The following CNTLN variants were observed in gnomAD, a reference collection of about 807,000 sequenced individuals.
CNTLN encodes centlein, also known as centlein, centrosomal protein.
A neutral mutation model predicts 180.0 loss-of-function variants in CNTLN; 212 were observed. The observed-to-expected ratio is 1.18, with a 90% CI of 1.05 to 1.32. The LOEUF is 1.32. Ranked by LOEUF, CNTLN falls within the 40% of genes most tolerant of loss-of-function variation. The pLI is 0.00. For missense variants in CNTLN, 2,095 were observed against 1,610.9 expected (o/e 1.30, Z -5.14); for synonymous variants, 722 against 563.1 (o/e 1.28, Z -3.99).
At chr9:17,443,765 A>G (rs144338877) in intron 18 of CNTLN, among the ~76,000 whole-genome samples, 43 of 152,292 alleles carry the variant, frequency 2.8e-4, no homozygotes, top group African/African-American at 8.9e-4. Flanking sequence ...AGAATGCTGG[A>G]GGTGGAACAA....
In CNTLN at chr9:17,345,013, C is replaced by T. The variant is rs991453975; in HGVS notation, c.1886+2569C>T. 3.0e-4 allele frequency among the ~76,000 whole-genome samples: 46 copies of T among 152,188 alleles called. No homozygotes were observed. In the East Asian group the frequency reaches 4.8e-3, roughly 16 times the overall value. Reference sequence around the variant, plus strand: ...TTACTTTCTGAGACTGGCTTCTTTCCGCATAATGTCTTTGAGATTCTTTTG... The same window carrying T: ...TTACTTTCTGAGACTGGCTTCTTTCTGCATAATGTCTTTGAGATTCTTTTG... On this transcript the variant is annotated intron_variant, in intron 12 of 25. Coordinates refer to ENST00000380647, the MANE Select transcript of CNTLN (RefSeq NM_017738.4).
chr9:17,295,711 A>G (rs1279388324), intron 6 of CNTLN, among the ~76,000 whole-genome samples: 1 of 152,016 alleles, frequency 6.6e-6, no homozygotes, highest in African/African-American at 2.4e-5. Context: ...GCTGGTTCAG[A>G]TGTGTGAGTT....
chr9:17,296,632 A>G (rs601960), intron 6 of CNTLN, among the ~76,000 whole-genome samples: 25,113 of 151,954 alleles, frequency 0.17, 2,254 homozygotes, highest in South Asian at 0.28. Context: ...AATGGCAGTA[A>G]TCATCATGCA....
chr9:17,350,113 A>G (rs1313606884), intron 12 of CNTLN, among the ~76,000 whole-genome samples: 2 of 152,374 alleles, frequency 1.3e-5, no homozygotes, highest in East Asian at 3.9e-4. Flanking sequence ...TGAAAGTATT[A>G]GTAAAAAAAG....
chr9:17,305,285 C>G (rs1011721307), intron 7 of CNTLN, among the ~76,000 whole-genome samples: 7 of 152,016 alleles, frequency 4.6e-5, no homozygotes, highest in Non-Finnish European at 1.0e-4. Flanking sequence ...ATTGATACTT[C>G]TAAAGCATAT....
intron 2 of CNTLN, among the ~76,000 whole-genome samples, chr9:17,210,587 G>A (rs1371095921): frequency 6.6e-6 from 1 of 152,156 alleles, no homozygotes; most frequent in Non-Finnish European, 1.5e-5. Flanking sequence ...CCAGTAATGG[G>A]ATGAGTCAAA....
At chr9:17,451,160 A>G (rs543169105) in intron 18 of CNTLN, among the ~76,000 whole-genome samples, 22 of 152,228 alleles carry the variant, frequency 1.4e-4, no homozygotes, top group African/African-American at 5.3e-4. Context: ...GATTCTATTC[A>G]CAGGAGGGAG....
At chr9:17,301,273 G>C (rs1404886228) in intron 7 of CNTLN, 1 of 985,232 alleles carries the variant, frequency 1.0e-6, no homozygotes, top group African/African-American at 1.7e-5. Flanking sequence ...CCTAAATTGT[G>C]ATCTGGGGTA....
intron 25 of CNTLN, among the ~76,000 whole-genome samples, chr9:17,497,156 A>C (rs1003536730): frequency 2.6e-5 from 4 of 152,176 alleles, no homozygotes; most frequent in Admixed American, 6.6e-5. Context: ...GCACAGCAGT[A>C]GTCTCTGATC....
At chr9:17,473,985 C>T (rs1832184654) in intron 23 of CNTLN, among the ~76,000 whole-genome samples, 1 of 152,166 alleles carries the variant, frequency 6.6e-6, no homozygotes, top group Admixed American at 6.5e-5. Flanking sequence ...AGCCGGTCTT[C>T]TCTGACTTCT....
At chr9:17,393,875 C>T (rs1416637484) in intron 14 of CNTLN, among the ~76,000 whole-genome samples, 1 of 152,060 alleles carries the variant, frequency 6.6e-6, no homozygotes, top group African/African-American at 2.4e-5. Flanking sequence ...TTTTGAAATT[C>T]CTTAAGATTA....
At chr9:17,256,553 T>C (rs1419116785) in intron 5 of CNTLN, among the ~76,000 whole-genome samples, 1 of 148,638 alleles carries the variant, frequency 6.7e-6, no homozygotes, top group Non-Finnish European at 1.5e-5. Context: ...GCTGTTTGTA[T>C]GTCTTCTCTT....
chr9:17,195,405 C>T (rs369902948), intron 2 of CNTLN, among the ~76,000 whole-genome samples: 497 of 152,168 alleles, frequency 3.3e-3, no homozygotes, highest in African/African-American at 0.011. Context: ...TCCTTTGCTT[C>T]TTGATGAAGA....
At chr9:17,451,623 C>T (rs1159933263) in intron 18 of CNTLN, among the ~76,000 whole-genome samples, 1 of 152,114 alleles carries the variant, frequency 6.6e-6, no homozygotes, top group Admixed American at 6.5e-5. Context: ...TGGCCTTTTT[C>T]AATATTGAGC....
intron 12 of CNTLN, among the ~76,000 whole-genome samples, chr9:17,350,128 T>C (rs1822239790): frequency 6.6e-6 from 1 of 152,226 alleles, no homozygotes; most frequent in Non-Finnish European, 1.5e-5. Context: ...AAAAAGTTTG[T>C]GTACATTCTT....
chr9:17,256,382 A>G (rs1826489429), intron 5 of CNTLN, among the ~76,000 whole-genome samples: 1 of 151,964 alleles, frequency 6.6e-6, no homozygotes. Flanking sequence ...CCTACCAACA[A>G]TGTATAAACA....
At chr9:17,426,847 A>G (rs968407980) in intron 18 of CNTLN, among the ~76,000 whole-genome samples, 1 of 152,070 alleles carries the variant, frequency 6.6e-6, no homozygotes, top group South Asian at 2.1e-4. Flanking sequence ...TTTGGGGAGC[A>G]TTCATCCAGA....
chr9:17,290,081 C>G (rs1388331947), intron 6 of CNTLN, among the ~76,000 whole-genome samples: 1 of 152,160 alleles, frequency 6.6e-6, no homozygotes, highest in Non-Finnish European at 1.5e-5. Flanking sequence ...GGAGGAGAGG[C>G]GCTCTGCATT....
In CNTLN at chr9:17,336,332, C is replaced by T. The variant is rs187694883; in HGVS notation, c.1644+3602C>T. ...ACTTTTGATGGATGACTTCAGCTGG[C>T]ATGTATTCTGGCGCCATTAAAATGA... On this transcript the variant is annotated intron_variant, in intron 10 of 25. Transcript: ENST00000380647. Among the ~76,000 whole-genome samples the T allele has an allele frequency of 4.4e-3, 663 of 152,156 alleles. 1 individual carries two copies. Among genetic ancestry groups the T allele is most frequent in the Middle Eastern group, 0.014 (4 of 294 alleles).
Sources: allele counts gnomAD v4.1 joint callset (sites outside exome capture counted in the v4.1 genomes callset), GRCh38; gene constraint gnomAD v4.1.1; transcripts MANE v1.5; gene names NCBI Gene and HGNC (gene_info 2026-07-23, HGNC 2026-07-21).